The following CLNK variants were observed in gnomAD, a reference collection of about 807,000 sequenced individuals.
The protein encoded by CLNK is cytokine-dependent hematopoietic cell linker.
CLNK carries 74 observed loss-of-function variants against 68.6 expected under a neutral mutation model. That is an observed-to-expected ratio of 1.08 (90% confidence interval 0.89 to 1.31). CLNK has a LOEUF of 1.31. Ranked by LOEUF, CLNK falls within the 50% of genes most tolerant of loss-of-function variation. The probability of loss-of-function intolerance (pLI) is 0.00; values close to 1 mark genes in which losing one functional copy is unlikely to be tolerated. For missense variants in CLNK, 553 were observed against 515.3 expected (o/e 1.07, Z -0.71); for synonymous variants, 198 against 172.2 (o/e 1.15, Z -1.17).
At chr4:10,629,263 A>C (rs1327293195) in intron 2 of CLNK, among the ~76,000 whole-genome samples, 1 of 152,178 alleles carries the variant, frequency 6.6e-6, no homozygotes. Flanking sequence ...TTTATCGTGA[A>C]ACTTCAGAGG....
intron 2 of CLNK, among the ~76,000 whole-genome samples, chr4:10,610,097 C>G (rs1215154090): frequency 1.2e-4 from 14 of 115,676 alleles, no homozygotes; most frequent in African/African-American, 4.8e-4. Flanking sequence ...CGTTCTGTCG[C>G]CCAGGCGGGA....
chr4:10,599,358 C>A (rs967758833), intron 2 of CLNK, among the ~76,000 whole-genome samples: 1 of 152,108 alleles, frequency 6.6e-6, no homozygotes, highest in Non-Finnish European at 1.5e-5. Flanking sequence ...TAAAAATCTG[C>A]GAGTTGTTTG....
rs1721237509 is a variant in CLNK, at chr4:10,593,012, C to T, written c.83+4966G>A. ...AAAGTGCTGGGATTACAAGTGTGAG[C>T]CGCAGTGCCCAGCCTGAGCATCTAC... On this transcript the variant is annotated intron_variant, in intron 3 of 18. Transcript: ENST00000226951. 5.9e-5 allele frequency among the ~76,000 whole-genome samples: 9 copies of T among 152,138 alleles called. No homozygotes were observed. In the South Asian group the frequency reaches 1.9e-3, roughly 32 times the overall value.
chr4:10,514,347 A>G (rs1717738067), intron 15 of CLNK, among the ~76,000 whole-genome samples: 1 of 151,990 alleles, frequency 6.6e-6, no homozygotes, highest in Non-Finnish European at 1.5e-5. Context: ...ATAGCAGCAT[A>G]ATTTATAGTC....
At chr4:10,621,896 G>T (rs1722473982) in intron 2 of CLNK, among the ~76,000 whole-genome samples, 1 of 152,176 alleles carries the variant, frequency 6.6e-6, no homozygotes, top group African/African-American at 2.4e-5. Flanking sequence ...TTTTCACAGT[G>T]GATCAGCACT....
chr4:10,626,625 T>C (rs1464488981), intron 2 of CLNK, among the ~76,000 whole-genome samples: 3 of 152,204 alleles, frequency 2.0e-5, no homozygotes, highest in Admixed American at 6.5e-5. Flanking sequence ...TATATTCTGG[T>C]TTGTGGCACA....
intron 3 of CLNK, among the ~76,000 whole-genome samples, chr4:10,592,819 G>A (rs1281016225): frequency 8.5e-5 from 13 of 152,118 alleles, no homozygotes; most frequent in African/African-American, 1.7e-4. Context: ...TCCACCTCCC[G>A]AGTTCAAGAG....
intron 1 of CLNK, among the ~76,000 whole-genome samples, chr4:10,683,214 G>A (rs1044977606): frequency 1.3e-5 from 2 of 152,160 alleles, no homozygotes; most frequent in Non-Finnish European, 2.9e-5. Context: ...TTGATCAGGC[G>A]TCAAATCCTA....
chr4:10,705,844 G>A, the CLNK span, among the ~76,000 whole-genome samples: 2 of 152,258 alleles, frequency 1.3e-5, no homozygotes, highest in Admixed American at 6.5e-5. Flanking sequence ...CAGGCACTAC[G>A]CACAAAATCA....
chr4:10,696,654 A>G, the CLNK span, among the ~76,000 whole-genome samples: 3 of 152,306 alleles, frequency 2.0e-5, no homozygotes, highest in East Asian at 3.9e-4. Context: ...CTCCTTGGGC[A>G]TGATACAAAG....
intron 2 of CLNK, among the ~76,000 whole-genome samples, chr4:10,603,848 G>T (rs1173706709): frequency 6.6e-6 from 1 of 152,250 alleles, no homozygotes; most frequent in East Asian, 1.9e-4. Flanking sequence ...GAGACTCACA[G>T]AGTGTAGTAC....
At chr4:10,542,798 G>T (rs190329501) in intron 8 of CLNK, among the ~76,000 whole-genome samples, 1 of 151,118 alleles carries the variant, frequency 6.6e-6, no homozygotes, top group Non-Finnish European at 1.5e-5. Flanking sequence ...AAGACCCCCA[G>T]AATCCAACTT....
the CLNK span, among the ~76,000 whole-genome samples, chr4:10,699,310 C>CGTGTATACACACACCACATACGTGT: frequency 2.9e-5 from 1 of 34,390 alleles, no homozygotes; most frequent in African/African-American, 9.4e-5. Context: ...ACACCACATA[C>CGTGTATACACACACCACATACGTGT]GTGTATACAC....
chr4:10,597,877 A>C, intron 3 of CLNK, 101 bp downstream of exon 3: 1 of 795,934 alleles, frequency 1.3e-6, no homozygotes, highest in East Asian at 2.7e-5. Context: ...ACTACAGGTC[A>C]TTCCATCACA....
intron 12 of CLNK, among the ~76,000 whole-genome samples, chr4:10,528,336 G>T (rs940096727): frequency 6.6e-6 from 1 of 152,146 alleles, no homozygotes; most frequent in African/African-American, 2.4e-5. Flanking sequence ...ACTATCAATT[G>T]CTTTTACGCT....
At chr4:10,632,159 T>A (rs1461519379) in intron 2 of CLNK, among the ~76,000 whole-genome samples, 1 of 152,238 alleles carries the variant, frequency 6.6e-6, no homozygotes, top group Non-Finnish European at 1.5e-5. Context: ...GTTCAGTGAA[T>A]GGCAACTTCT....
intron 3 of CLNK, among the ~76,000 whole-genome samples, chr4:10,592,275 A>G (rs780948211): frequency 1.3e-5 from 2 of 152,194 alleles, no homozygotes; most frequent in African/African-American, 2.4e-5. Flanking sequence ...CCTATAAGCT[A>G]TCAATCAGTG....
intron 12 of CLNK, among the ~76,000 whole-genome samples, chr4:10,529,632 A>AATCCATTCT (rs1718457673): frequency 6.6e-6 from 1 of 152,172 alleles, no homozygotes; most frequent in Admixed American, 6.5e-5. Flanking sequence ...AAGAGTAATG[A>AATCCATTCT]ATCCATTCTA....
chr4:10,700,120 G>T, the CLNK span, among the ~76,000 whole-genome samples: 2 of 151,898 alleles, frequency 1.3e-5, no homozygotes, highest in African/African-American at 2.4e-5. Flanking sequence ...GAAGAAACAG[G>T]TTTCACAAAG....
Sources: allele counts gnomAD v4.1 joint callset (sites outside exome capture counted in the v4.1 genomes callset), GRCh38; gene constraint gnomAD v4.1.1; transcripts MANE v1.5; gene names NCBI Gene and HGNC (gene_info 2026-07-23, HGNC 2026-07-21).